BHMT2: variants seen among roughly 807,000 people sequenced by gnomAD.
BHMT2 encodes the protein S-methylmethionine--homocysteine S-methyltransferase BHMT2.
A neutral mutation model predicts 39.0 loss-of-function variants in BHMT2; 28 were observed. That is an observed-to-expected ratio of 0.72 (90% CI 0.53 to 0.98). The LOEUF (loss-of-function observed/expected upper bound fraction) is 0.98, where lower values mean the gene tolerates loss of function less well. Ranked by LOEUF, BHMT2 falls within the 50% of genes least tolerant of loss-of-function variation. The pLI, the probability that BHMT2 is intolerant of heterozygous loss-of-function variation, is 0.00. For missense variants in BHMT2, 410 were observed against 455.6 expected (o/e 0.90, Z 0.91); for synonymous variants, 145 against 160.6 (o/e 0.90, Z 0.74).
At chr5:79,088,434 C>T (rs1755948564) in intron 7 of BHMT2, 59 bp from the exon 8 acceptor site, 2 of 1,189,662 alleles carry the variant, frequency 1.7e-6, no homozygotes, top group East Asian at 5.3e-5. Context: ...ACATATATGA[C>T]ATATTGGACT....
intron 3 of BHMT2, 82 bp downstream of exon 3, chr5:79,079,542 T>C (rs1755743682): frequency 1.1e-6 from 1 of 944,706 alleles, no homozygotes; most frequent in Non-Finnish European, 1.7e-6. Context: ...GAATTGATTA[T>C]GTGTTACTAT....
At chr5:79,071,822 T>TAAAAAAAAAAA (rs60114073) in intron 1 of BHMT2, among the ~76,000 whole-genome samples, 1 of 103,576 alleles carries the variant, frequency 9.7e-6, no homozygotes, top group African/African-American at 3.5e-5. Flanking sequence ...AACTTAAAAG[T>TAAAAAAAAAAA]AAAAAAAAAA....
chr5:79,082,249 G>T (rs1755801456), intron 4 of BHMT2: 1 of 152,310 alleles, frequency 6.6e-6, no homozygotes, highest in Non-Finnish European at 1.5e-5. Context: ...AAGATGTCCT[G>T]TCCACCACTG....
intron 7 of BHMT2, 64 bp from the exon 8 acceptor site, chr5:79,088,429 T>A: frequency 8.8e-7 from 1 of 1,138,986 alleles, no homozygotes; most frequent in South Asian, 1.3e-5. Context: ...TATATACATA[T>A]ATGACATATT....
At chr5:79,071,367 T>G (rs1348954550) in intron 1 of BHMT2, among the ~76,000 whole-genome samples, 2 of 150,968 alleles carry the variant, frequency 1.3e-5, no homozygotes, top group South Asian at 2.1e-4. Flanking sequence ...CACAGTGAAG[T>G]TGATCCCCAC....
rs181297124 is a variant in BHMT2, at chr5:79,085,077, A to G, written c.1010+1221A>G. On this transcript the variant is annotated intron_variant, in intron 7 of 7. Coordinates refer to ENST00000255192, the MANE Select transcript of BHMT2 (RefSeq NM_017614.5). ...TTTACTATCATCAAGGTTTATAACC[A>G]TTTTGTTCTATTCTATAGTTATAAT... is the stretch of plus-strand genomic sequence containing the variant. Among the ~76,000 whole-genome samples the G allele has an allele frequency of 3.0e-3, 455 of 152,126 alleles. 1 individual carries two copies. The highest frequency in any genetic ancestry group is 0.01 in the African/African-American group (432 of 41,486).
At chr5:79,080,480 T>C (rs1240347581) in intron 3 of BHMT2, among the ~76,000 whole-genome samples, 1 of 152,194 alleles carries the variant, frequency 6.6e-6, no homozygotes, top group Non-Finnish European at 1.5e-5. Flanking sequence ...CAAATAGTTA[T>C]TAAAATCCAA....
At chr5:79,084,948 A>T (rs999027893) in intron 7 of BHMT2, among the ~76,000 whole-genome samples, 1 of 152,168 alleles carries the variant, frequency 6.6e-6, no homozygotes, top group Non-Finnish European at 1.5e-5. Flanking sequence ...ATAAGGCAGG[A>T]ATCTCTTGAC....
chr5:79,082,780 A>T (rs1164740752), intron 4 of BHMT2, 29 bp from the exon 5 acceptor site: 1 of 1,611,158 alleles, frequency 6.2e-7, no homozygotes, highest in South Asian at 1.1e-5. Flanking sequence ...TTATGTTTGG[A>T]CCAGTAGAAA....
At chr5:79,084,034 G>C (rs911577293) in intron 7 of BHMT2, among the ~76,000 whole-genome samples, 178 bp downstream of exon 7, 7 of 152,144 alleles carry the variant, frequency 4.6e-5, no homozygotes, top group Non-Finnish European at 1.0e-4. Context: ...CATTTGGGCT[G>C]TTAGAACAAT....
Position 79,080,845 on chromosome 5 carries a change from T to G in BHMT2, c.417T>G (p.Phe139Leu). 6.3e-7 allele frequency: 1 copy of G among 1,599,848 alleles called. No individual in the cohort carries two copies. The highest frequency in any genetic ancestry group is 1.1e-5 in the South Asian group (1 of 87,736). ...TTTTTCGACAACAGCTAGAAGTTTTTGCCTGGAAAAATGTGGACTTCTTGA... is the reference window on the plus strand; with the variant it reads ...TTTTTCGACAACAGCTAGAAGTTTTGGCCTGGAAAAATGTGGACTTCTTGA... ...KKLFRQQLEV[F>L]AWKNVDFLIA... The change falls in exon 4 of 8, where the codon TTT becomes TTG. Residue 139 changes from phenylalanine to leucine, a missense_variant. Transcript: ENST00000255192.
At chr5:79,072,267 C>CAA (rs1277697137) in intron 1 of BHMT2, among the ~76,000 whole-genome samples, 1 of 116,932 alleles carries the variant, frequency 8.6e-6, no homozygotes, top group Admixed American at 8.9e-5. Context: ...AACTCTGTCT[C>CAA]AAAAAAAAAA....
chr5:79,070,631 T>C (rs533282776), intron 1 of BHMT2, among the ~76,000 whole-genome samples: 40 of 152,248 alleles, frequency 2.6e-4, no homozygotes, highest in South Asian at 1.7e-3. Context: ...AGGGGCAGTT[T>C]ATGCGTGGAA....
intron 5 of BHMT2, 77 bp from the exon 6 acceptor site, chr5:79,083,115 C>T: frequency 6.3e-7 from 1 of 1,591,208 alleles, no homozygotes. Context: ...TGGCTAACCT[C>T]TAAGGTACCT....
intron 5 of BHMT2, 26 bp downstream of exon 5, chr5:79,082,982 A>G: frequency 6.2e-7 from 1 of 1,613,732 alleles, no homozygotes; most frequent in Non-Finnish European, 8.5e-7. Flanking sequence ...ACCGTGATAC[A>G]CAGCTCAGTT....
chr5:79,083,377 A>C lies in BHMT2; in HGVS notation c.781+3A>C. 2 of 1,593,074 alleles carry C rather than the reference A, an allele frequency of 1.3e-6. No homozygotes were observed. Among genetic ancestry groups the C allele is most frequent in the Non-Finnish European group, 1.7e-6 (2 of 1,169,260 alleles). ...GGATCTCCCAGAATATCCCTTTGGT[A>C]AGCTCAGGTGCATAGTAGAGGTCCT... On this transcript the variant is annotated splice_donor_region_variant and intron_variant, in intron 6 of 7. Transcript: ENST00000255192.
chr5:79,087,014 G>GTGTATATATA (rs1329456863), intron 7 of BHMT2, among the ~76,000 whole-genome samples: 96 of 118,304 alleles, frequency 8.1e-4, no homozygotes, highest in African/African-American at 2.9e-3. Flanking sequence ...GTGTGTGTGT[G>GTGTATATATA]TATATATATA....
intron 4 of BHMT2, among the ~76,000 whole-genome samples, chr5:79,081,157 C>A (rs1755781320): frequency 6.6e-6 from 1 of 152,138 alleles, no homozygotes; most frequent in South Asian, 2.1e-4. Flanking sequence ...GACTCTACAA[C>A]CTATAAGGAA....
chr5:79,088,657 T>A lies in BHMT2; in HGVS notation c.*83T>A. Reference sequence around the variant, plus strand: ...GACCTGGAACCGTTCCTCACCTTCATCCTCACCATGCCCTGCTATCTCCAG... The same window carrying A: ...GACCTGGAACCGTTCCTCACCTTCAACCTCACCATGCCCTGCTATCTCCAG... On this transcript the variant is annotated 3_prime_UTR_variant, in exon 8 of 8. Transcript: ENST00000255192. 1 of 1,069,066 alleles carries A rather than the reference T, an allele frequency of 9.4e-7. No homozygotes were observed. Among genetic ancestry groups the A allele is most frequent in the East Asian group, 2.4e-5 (1 of 40,998 alleles). 66.2% of individuals were successfully genotyped at this position (1,069,066 alleles called of 1,614,324 possible). A position where few individuals can be genotyped will look rare whatever the true frequency, so the allele number is the denominator to read the frequency against.
Sources: allele counts gnomAD v4.1 joint callset (sites outside exome capture counted in the v4.1 genomes callset), GRCh38; gene constraint gnomAD v4.1.1; transcripts MANE v1.5; gene names NCBI Gene and HGNC (gene_info 2026-07-23, HGNC 2026-07-21).